The following KLF8 variants were observed in gnomAD, a reference collection of about 807,000 sequenced individuals.
KLF8 encodes Krueppel-like factor 8.
A neutral mutation model predicts 18.2 loss-of-function variants in KLF8; 10 were observed. The ratio of observed to expected loss-of-function variants is 0.55; its 90% CI spans 0.34 to 0.93. KLF8 has a LOEUF of 0.93. KLF8 is among the 40% of genes least tolerant of loss of function. The pLI is 0.02. For synonymous variants in KLF8, 109 were observed against 97.3 expected (o/e 1.12, Z -0.71); for missense variants, 264 against 277.9 (o/e 0.95, Z 0.36).
At chrX:55,937,604 G>A in the KLF8 span, among the ~76,000 whole-genome samples, 1 of 111,716 alleles carries the variant, frequency 9.0e-6, no homozygotes, top group Admixed American at 9.5e-5. Context: ...CGAACCAATG[G>A]CAAAGAAGTT....
the KLF8 span, among the ~76,000 whole-genome samples, chrX:56,059,354 T>C: frequency 8.9e-6 from 1 of 112,300 alleles, no homozygotes; most frequent in Non-Finnish European, 1.9e-5. Flanking sequence ...CTCTTTAGTT[T>C]AATTAGATCC....
chrX:55,917,891 C>A, the KLF8 span, among the ~76,000 whole-genome samples: 1 of 111,833 alleles, frequency 8.9e-6, no homozygotes, highest in Non-Finnish European at 1.9e-5. Context: ...AAATAACTTG[C>A]TTTCAGTCAC....
the KLF8 span, among the ~76,000 whole-genome samples, chrX:56,102,250 A>G: frequency 3.6e-5 from 4 of 111,340 alleles, no homozygotes; most frequent in African/African-American, 1.3e-4. Flanking sequence ...TCTTGAAGAT[A>G]GATGGTTGTA....
At chrX:56,175,239 T>C in the KLF8 span, among the ~76,000 whole-genome samples, 1 of 112,163 alleles carries the variant, frequency 8.9e-6, no homozygotes, top group Non-Finnish European at 1.9e-5. Context: ...CATTTAGTGC[T>C]ATAAATTTCC....
intron 4 of KLF8, 129 bp downstream of exon 4, chrX:56,269,618 T>C (rs780666810): frequency 9.9e-7 from 1 of 1,007,687 alleles, no homozygotes; most frequent in Middle Eastern, 3.8e-4. Flanking sequence ...ACAAGAAATA[T>C]AGGGAGACTG....
At chrX:56,119,498 G>C in the KLF8 span, among the ~76,000 whole-genome samples, 7 of 110,585 alleles carry the variant, frequency 6.3e-5, no homozygotes, top group Non-Finnish European at 1.3e-4. Context: ...CTGCCTTCTG[G>C]GTTCAAGCGA....
chrX:56,250,814 C>G (rs1175386887), intron 2 of KLF8, among the ~76,000 whole-genome samples: 3 of 111,379 alleles, frequency 2.7e-5, no homozygotes, highest in Non-Finnish European at 1.9e-5. Flanking sequence ...AAAACCCCAT[C>G]AGGGGTAGGC....
chrX:56,113,983 T>C, the KLF8 span, among the ~76,000 whole-genome samples: 1 of 112,044 alleles, frequency 8.9e-6, no homozygotes, highest in Admixed American at 9.4e-5. Flanking sequence ...GTCCTCTGAA[T>C]GGGAGACTGC....
chrX:55,970,015 C>G, the KLF8 span, among the ~76,000 whole-genome samples: 1 of 110,426 alleles, frequency 9.1e-6, no homozygotes, highest in Non-Finnish European at 1.9e-5. Context: ...AAGAAGCACT[C>G]ATATTATTTC....
At chrX:56,026,925 G>A in the KLF8 span, among the ~76,000 whole-genome samples, 19 of 112,704 alleles carry the variant, frequency 1.7e-4, no homozygotes, top group Admixed American at 7.5e-4. Context: ...TTGTATGCCG[G>A]GAGGGACAGA....
intron 3 of KLF8, chrX:56,268,418 A>G (rs1047922189): frequency 2.7e-5 from 3 of 112,013 alleles, no homozygotes; most frequent in Non-Finnish European, 3.8e-5. Context: ...TTACATTCCC[A>G]TCAACAGTGT....
chrX:56,235,042 A>G (rs2066456517), intron 1 of KLF8, among the ~76,000 whole-genome samples: 1 of 111,299 alleles, frequency 9.0e-6, no homozygotes, highest in African/African-American at 3.3e-5. Context: ...GGAAATTGGG[A>G]AAAAAATAAC....
the KLF8 span, among the ~76,000 whole-genome samples, chrX:56,011,157 A>G: frequency 8.9e-6 from 1 of 112,372 alleles, no homozygotes; most frequent in East Asian, 2.8e-4. Context: ...CCCAAAAACA[A>G]CAGAGTATGC....
the KLF8 span, among the ~76,000 whole-genome samples, chrX:56,069,883 G>A: frequency 1.8e-5 from 2 of 112,324 alleles, no homozygotes; most frequent in Non-Finnish European, 3.8e-5. Context: ...CCATTTGACT[G>A]AGCAATCCCA....
chrX:56,038,604 A>T, the KLF8 span, among the ~76,000 whole-genome samples: 3 of 112,509 alleles, frequency 2.7e-5, no homozygotes, highest in Non-Finnish European at 5.6e-5. Flanking sequence ...CATTTTCTTT[A>T]TCCAGTCTAT....
At chrX:56,076,474 C>T in the KLF8 span, among the ~76,000 whole-genome samples, 1 of 111,050 alleles carries the variant, frequency 9.0e-6, no homozygotes, top group African/African-American at 3.3e-5. Flanking sequence ...ATGAACTCAT[C>T]ATTTTTTATG....
At chrX:56,235,723 A>G (rs1240221215) in intron 1 of KLF8, among the ~76,000 whole-genome samples, 1 of 110,927 alleles carries the variant, frequency 9.0e-6, no homozygotes, top group African/African-American at 3.3e-5. Context: ...CCTCTTCCTG[A>G]TTTTTATATG....
At chrX:56,013,655 GAGTT>G in the KLF8 span, among the ~76,000 whole-genome samples, 1 of 110,907 alleles carries the variant, frequency 9.0e-6, no homozygotes, top group Non-Finnish European at 1.9e-5. Context: ...TTATGATAGT[GAGTT>G]AGTGCTCATG....
chrX:56,214,352 C>CTT, the KLF8 span, among the ~76,000 whole-genome samples: 1 of 112,184 alleles, frequency 8.9e-6, no homozygotes, highest in Non-Finnish European at 1.9e-5. Context: ...GTTTTAAGTA[C>CTT]TTTGTGGATT....
Sources: gnomAD v4.1 joint callset for allele counts (sites outside exome capture counted in the v4.1 genomes callset) on GRCh38, gnomAD v4.1.1 for gene constraint, MANE v1.5 for transcripts, NCBI Gene and HGNC (gene_info 2026-07-23, HGNC 2026-07-21) for gene names.